The following NAA40 variants were observed in gnomAD, a reference collection of about 807,000 sequenced individuals.
The protein encoded by NAA40 is N-alpha-acetyltransferase 40, NatD catalytic subunit, also known as N-alpha-acetyltransferase 40.
In NAA40, 26 loss-of-function variants were observed where a neutral mutation model predicts 36.6. The observed-to-expected ratio is 0.71, with a 90% CI of 0.52 to 0.98. The LOEUF (loss-of-function observed/expected upper bound fraction) is 0.98. Among genes scored for constraint, NAA40 ranks in the 50% least tolerant of loss-of-function variants. The probability of loss-of-function intolerance (pLI) is 0.00; values close to 1 mark genes in which losing one functional copy is unlikely to be tolerated. For missense variants in NAA40, 237 were observed against 306.5 expected, an observed-to-expected ratio of 0.77 and a Z score of 1.69; for synonymous variants, 129 against 108.4, an observed-to-expected ratio of 1.19 and a Z score of -1.18.
In NAA40 at chr11:63,957,193, T is replaced by G. The variant is rs1399903437; in HGVS notation, c.*2714T>G. ...GAAATTTGGAAGATAAACTCCTTGA[T>G]ATATATATATATATATATATTTTTT... On this transcript the variant is annotated 3_prime_UTR_variant, in exon 8 of 8. Coordinates refer to ENST00000377793, the MANE Select transcript of NAA40 (RefSeq NM_024771.4). 17 of 75,122 alleles carry G rather than the reference T, an allele frequency of 2.3e-4. No individual in the cohort carries two copies. Among genetic ancestry groups the G allele is most frequent in the Admixed American group, 3.0e-4 (2 of 6,684 alleles). 4.7% of individuals were successfully genotyped at this position (75,122 alleles called of 1,614,324 possible).
At chr11:63,944,794 T>C (rs940479220) in intron 1 of NAA40, among the ~76,000 whole-genome samples, 1 of 151,390 alleles carries the variant, frequency 6.6e-6, no homozygotes, top group African/African-American at 2.4e-5. Context: ...TCCCAGCTAC[T>C]TGGGAGGCTG....
chr11:63,939,194 C>G, intron 1 of NAA40, 92 bp downstream of exon 1: 1 of 1,158,426 alleles, frequency 8.6e-7, no homozygotes, highest in Non-Finnish European at 1.1e-6. Flanking sequence ...TCACGTGACC[C>G]CGACCCCCTC....
In NAA40 at chr11:63,945,918, G is replaced by A. The variant is rs376434035; in HGVS notation, c.85G>A (p.Val29Met). ...RAAMDAVCAKVDAANRLGDPL... is the reference protein window; with the variant it reads ...RAAMDAVCAKMDAANRLGDPL... Reference sequence around the variant, plus strand: ...AGCCATGGATGCCGTTTGTGCCAAAGTGGACGCTGCCAACAGGGTGATTCT... The same window carrying A: ...AGCCATGGATGCCGTTTGTGCCAAAATGGACGCTGCCAACAGGGTGATTCT... The change falls in exon 2 of 8, where the codon GTG becomes ATG. Residue 29 changes from valine (V) to methionine (M), a missense_variant. Physicochemically the swap from Val to Met is conservative, Grantham distance 21. Coordinates refer to ENST00000377793, the MANE Select transcript of NAA40 (RefSeq NM_024771.4). 1 of 1,614,148 alleles carries A rather than the reference G, an allele frequency of 6.2e-7. No individual in the cohort carries two copies. Among genetic ancestry groups the A allele is most frequent in the South Asian group, 1.1e-5 (1 of 91,080 alleles).
rs1590761026 is a variant in NAA40 at position 63,954,474 on chromosome 11, C to A, written c.709C>A (p.His237Asn). ...GGGTGGGCACTGTGGTGGCTGCTGCCACTGAACTCTCAGAGCCACTTTCAA... is the reference window on the plus strand; with the variant it reads ...GGGTGGGCACTGTGGTGGCTGCTGCAACTGAACTCTCAGAGCCACTTTCAA... ...HAGGHCGGCCH is the reference protein window; with the variant it reads ...HAGGHCGGCCN Residue 237 changes from histidine to asparagine, a missense_variant, in exon 8 of 8, where the codon CAC becomes AAC. Coordinates refer to ENST00000377793, the MANE Select transcript of NAA40 (RefSeq NM_024771.4). The A allele has an allele frequency of 6.3e-7, 1 of 1,595,422 alleles. No individual in the cohort carries two copies. Among genetic ancestry groups the A allele is most frequent in the East Asian group, 2.2e-5 (1 of 44,618 alleles).
intron 2 of NAA40, 177 bp from the exon 3 acceptor site, chr11:63,946,774 C>G: frequency 6.5e-7 from 1 of 1,538,626 alleles, no homozygotes; most frequent in Non-Finnish European, 8.7e-7. Context: ...GCCTTCCTCG[C>G]ACATGTGACT....
At chr11:63,940,514 T>TA (rs1399019402) in intron 1 of NAA40, among the ~76,000 whole-genome samples, 1 of 152,226 alleles carries the variant, frequency 6.6e-6, no homozygotes, top group East Asian at 1.9e-4. Context: ...GGGATGCTAA[T>TA]ACCTCCCCCT....
chr11:63,945,738 G>T, intron 1 of NAA40, 102 bp from the exon 2 acceptor site: 1 of 1,017,300 alleles, frequency 9.8e-7, no homozygotes, highest in Non-Finnish European at 1.6e-6. Flanking sequence ...TCTCACTGCT[G>T]GGCCAGGCCT....
intron 1 of NAA40, 65 bp from the exon 2 acceptor site, chr11:63,945,775 A>G (rs962549075): frequency 2.8e-6 from 4 of 1,426,802 alleles, no homozygotes; most frequent in Non-Finnish European, 4.0e-6. Context: ...TCGATTCCTT[A>G]AAGGGAAAGT....
In NAA40 at chr11:63,954,579, C is replaced by G; in HGVS notation, c.*100C>G. On this transcript the variant is annotated 3_prime_UTR_variant, in exon 8 of 8. Transcript: ENST00000377793. ...GGTGTCCTCAGAGCTGTGGCCTCCCCAGCCCTGCACGTGCCAGGCTGCGCC... is the reference window on the plus strand; with the variant it reads ...GGTGTCCTCAGAGCTGTGGCCTCCCGAGCCCTGCACGTGCCAGGCTGCGCC... 5 of 1,365,824 alleles carry G rather than the reference C, an allele frequency of 3.7e-6. No homozygotes were observed. The highest frequency in any genetic ancestry group is 4.9e-6 in the Non-Finnish European group (5 of 1,028,854). 84.6% of individuals were successfully genotyped at this position (1,365,824 alleles called of 1,614,324 possible).
intron 2 of NAA40, 68 bp from the exon 3 acceptor site, chr11:63,946,883 C>T (rs1942195937): frequency 6.2e-7 from 1 of 1,603,330 alleles, no homozygotes; most frequent in African/African-American, 1.3e-5. Flanking sequence ...AAGACAACAG[C>T]TCTTGGGATA....
chr11:63,939,707 C>T (rs1229689662), intron 1 of NAA40, among the ~76,000 whole-genome samples: 4 of 152,280 alleles, frequency 2.6e-5, no homozygotes, highest in Middle Eastern at 3.4e-3. Context: ...TAGACTCCTG[C>T]CTTCGACGCC....
intron 2 of NAA40, 172 bp from the exon 3 acceptor site, chr11:63,946,779 G>A (rs1383858207): frequency 8.4e-6 from 13 of 1,540,672 alleles, no homozygotes; most frequent in Non-Finnish European, 1.1e-5. Flanking sequence ...CCTCGCACAT[G>A]TGACTTCAGA....
At chr11:63,939,269 G>C (rs1797958860) in intron 1 of NAA40, 167 bp downstream of exon 1, 1 of 1,292,244 alleles carries the variant, frequency 7.7e-7, no homozygotes, top group Non-Finnish European at 9.8e-7. Context: ...CCCTACGCTA[G>C]GCCTAGCCCG....
rs1307671139 is a variant in NAA40, at chr11:63,953,974, C to G, written c.497C>G (p.Thr166Arg). 1.2e-6 allele frequency: 2 copies of G among 1,613,800 alleles called. No homozygotes were observed. The highest frequency in any genetic ancestry group is 2.2e-5 in the South Asian group (2 of 91,056). ...GCGTTTGCTCTGCTTTCTTCCAGCA[C>G]ACAGATGAAGAAGGTTATGTTAACA... ...IQILQLMANS[T>R]QMKKVMLTVF... The change falls in exon 7 of 8, where the codon ACA becomes AGA. Residue 166 changes from threonine to arginine, a missense_variant and splice_region_variant. Coordinates refer to ENST00000377793, the MANE Select transcript of NAA40 (RefSeq NM_024771.4).
chr11:63,939,413 C>T, intron 1 of NAA40: 1 of 1,165,202 alleles, frequency 8.6e-7, no homozygotes, highest in Non-Finnish European at 1.1e-6. Flanking sequence ...CTGGGGTTAG[C>T]TTCCCGCTCC....
intron 3 of NAA40, among the ~76,000 whole-genome samples, chr11:63,950,577 C>T (rs889855070): frequency 2.0e-4 from 31 of 152,144 alleles, no homozygotes; most frequent in African/African-American, 7.5e-4. Context: ...ATTCTCCTGC[C>T]TCAGCCGCCG....
intron 1 of NAA40, among the ~76,000 whole-genome samples, chr11:63,944,221 C>A (rs1942150665): frequency 6.6e-6 from 1 of 152,178 alleles, no homozygotes; most frequent in Non-Finnish European, 1.5e-5. Flanking sequence ...GGTTTTTCAA[C>A]TCATGCAGAA....
chr11:63,952,939 C>A, intron 6 of NAA40, 100 bp downstream of exon 6: 1 of 973,066 alleles, frequency 1.0e-6, no homozygotes. Flanking sequence ...GGAGGAGGCT[C>A]ATAGGCATGT....
chr11:63,949,786 C>T (rs1197154563), intron 3 of NAA40, among the ~76,000 whole-genome samples: 1 of 149,526 alleles, frequency 6.7e-6, no homozygotes, highest in African/African-American at 2.5e-5. Flanking sequence ...GCTCTGTCAC[C>T]CAGGCTGGAG....
Sources: allele counts gnomAD v4.1 joint callset (sites outside exome capture counted in the v4.1 genomes callset), GRCh38; gene constraint gnomAD v4.1.1; transcripts MANE v1.5; gene names NCBI Gene and HGNC (gene_info 2026-07-23, HGNC 2026-07-21).